The following RNF19B variants were observed in gnomAD, a reference collection of about 807,000 sequenced individuals.
RNF19B encodes the protein ring finger protein 19B.
Under a neutral mutation model 65.5 loss-of-function variants are expected in RNF19B, and 23 were observed. The observed-to-expected ratio is 0.35, with a 90% CI of 0.25 to 0.50. RNF19B has a LOEUF of 0.50. Among genes scored for constraint, RNF19B ranks in the 20% least tolerant of loss-of-function variants. RNF19B has a pLI of 0.98. For synonymous variants in RNF19B, 372 were observed against 379.6 expected (o/e 0.98, Z 0.23); for missense variants, 794 against 980.0 (o/e 0.81, Z 2.53).
chr1:32,943,957 T>G (rs1557569191), intron 6 of RNF19B, 62 bp downstream of exon 6: 1 of 1,527,734 alleles, frequency 6.5e-7, no homozygotes, highest in Non-Finnish European at 8.9e-7. Context: ...ATGCGCTGAA[T>G]TTTACTGATT....
At chr1:32,951,478 A>G (rs1642497874) in intron 1 of RNF19B, among the ~76,000 whole-genome samples, 1 of 152,092 alleles carries the variant, frequency 6.6e-6, no homozygotes, top group Admixed American at 6.5e-5. Context: ...GTTGGGGTCC[A>G]TTTCGAGCAA....
chr1:32,933,810 C>T (rs1557560028), downstream of RNF19B, among the ~76,000 whole-genome samples: 1 of 152,114 alleles, frequency 6.6e-6, no homozygotes, highest in Non-Finnish European at 1.5e-5. Context: ...GTCTTCACAA[C>T]CCCTTAACTA....
intron 6 of RNF19B, among the ~76,000 whole-genome samples, chr1:32,943,005 G>T (rs903636913): frequency 1.2e-4 from 19 of 152,024 alleles, no homozygotes; most frequent in Non-Finnish European, 2.8e-4. Flanking sequence ...GCCGGGCGTG[G>T]TGGCGGGTGC....
chr1:32,937,418 A>T, intron 8 of RNF19B, 159 bp from the exon 9 acceptor site: 1 of 1,149,462 alleles, frequency 8.7e-7, no homozygotes, highest in Non-Finnish European at 1.3e-6. Flanking sequence ...TCTAACACTC[A>T]AATGAGATGG....
chr1:32,942,568 AGGTACT>A, intron 6 of RNF19B, 109 bp from the exon 7 acceptor site: 1 of 856,954 alleles, frequency 1.2e-6, no homozygotes, highest in South Asian at 1.7e-5. Flanking sequence ...CTTAATGAAC[AGGTACT>A]GTGTGCAGTC....
chr1:32,945,718 A>C, intron 4 of RNF19B, 90 bp from the exon 5 acceptor site: 1 of 706,248 alleles, frequency 1.4e-6, no homozygotes, highest in Non-Finnish European at 2.5e-6. Context: ...TTCACTTGTA[A>C]GTTATCTATA....
At position 32,944,159 on chromosome 1, in the gene RNF19B, C is replaced by G; in HGVS notation, c.1262G>C (p.Gly421Ala). 1 of 1,609,372 alleles carries G rather than the reference C, an allele frequency of 6.2e-7. No individual in the cohort carries two copies. The highest frequency in any genetic ancestry group is 1.1e-5 in the South Asian group (1 of 90,306). Residue 421 changes from glycine to alanine, a missense_variant and splice_region_variant, in exon 6 of 9, where the codon GGT (glycine) becomes GCT (alanine). Transcript: ENST00000235150. ...ASPVIAAVSV[G>A]IGVPIMLAYV... ...TGCCAGCATAATGGGGACACCAATA[C>G]CTGGGGGAAGAGAAGGAAACATGTC...
intron 6 of RNF19B, among the ~76,000 whole-genome samples, chr1:32,943,570 C>T (rs973543890): frequency 2.0e-5 from 3 of 151,552 alleles, no homozygotes; most frequent in Middle Eastern, 6.8e-3. Context: ...GAACCGAGAT[C>T]GCGACATCGT....
intron 4 of RNF19B, 91 bp from the exon 5 acceptor site, chr1:32,945,719 G>T: frequency 1.4e-6 from 1 of 705,852 alleles, no homozygotes; most frequent in Non-Finnish European, 2.5e-6. Flanking sequence ...TCACTTGTAA[G>T]TTATCTATAT....
Position 32,936,920 on chromosome 1 carries a change from G to A in RNF19B, c.2082C>T (p.Cys694=). 1 of 1,614,092 alleles carries A rather than the reference G, an allele frequency of 6.2e-7. No homozygotes were observed. Among genetic ancestry groups the A allele is most frequent in the Non-Finnish European group, 8.5e-7 (1 of 1,180,008 alleles). ...CACCTTGGGCTCTGGGGGTCGAGGG[G>A]CAGGCTGCAGTATGGGAGCGGGGGG... ...CGSPRSHTAA[C]PSTPRAQGAP... Residue 694 remains cysteine, a synonymous_variant, in exon 9 of 9, where the codon TGC becomes TGT. Transcript: ENST00000235150.
rs1211140790 is a variant in RNF19B at position 32,936,864 on chromosome 1, G to C, written c.2138C>G (p.Ser713Cys). ...APSPSAHMNL[S>C]ALAEGQTVLK... ...GACAGTTTGTCCCTCGGCTAGGGCA[G>C]AGAGGTTCATATGGGCACTTGGGCT... Residue 713 changes from serine (S) to cysteine (C), a missense_variant, in exon 9 of 9, where the codon TCT (serine) becomes TGT (cysteine). By Grantham distance (112) the Ser-to-Cys change is moderately radical (BLOSUM62 -1). Around this residue, in one of 3 missense-constraint regions of RNF19B, gnomAD observed 368 missense variants for 447.3 expected, o/e 0.82. Coordinates refer to ENST00000235150, the MANE Select transcript of RNF19B (RefSeq NM_001300826.2). 6.2e-7 allele frequency: 1 copy of C among 1,610,434 alleles called. No individual in the cohort carries two copies. The highest frequency in any genetic ancestry group is 8.5e-7 in the Non-Finnish European group (1 of 1,177,516).
In RNF19B at chr1:32,936,676, G is replaced by A; in HGVS notation, c.*130C>T. Reference sequence around the variant, plus strand: ...TGTGAATTTCTCAGAATTTCCCTGGGCAAAAACCTGTGACCAGAGAATCTG... The same window carrying A: ...TGTGAATTTCTCAGAATTTCCCTGGACAAAAACCTGTGACCAGAGAATCTG... On this transcript the variant is annotated 3_prime_UTR_variant, in exon 9 of 9. Transcript: ENST00000235150. 1.1e-6 allele frequency: 1 copy of A among 943,142 alleles called. No homozygotes were observed. Among genetic ancestry groups the A allele is most frequent in the Non-Finnish European group, 1.5e-6 (1 of 687,734 alleles). The allele number at this position is 943,142 out of a possible 1,614,324, so 58.4% of individuals were successfully genotyped here.
Position 32,945,636 on chromosome 1 carries a change from T to C in RNF19B, c.1147-8A>G. 2 of 1,563,174 alleles carry C rather than the reference T, an allele frequency of 1.3e-6. No homozygotes were observed. The highest frequency in any genetic ancestry group is 1.4e-5 in the African/African-American group (1 of 73,896). ...CTCATACCTGCTGTGAATCTAAGAA[T>C]AAAAAAAGAAAATCCAGGTCAGCAG... On this transcript the variant is annotated splice_region_variant and splice_polypyrimidine_tract_variant and intron_variant, in intron 4 of 8. Transcript: ENST00000235150.
At chr1:32,961,519 A>T (rs1642768388) in intron 1 of RNF19B, among the ~76,000 whole-genome samples, 1 of 151,958 alleles carries the variant, frequency 6.6e-6, no homozygotes, top group Non-Finnish European at 1.5e-5. Flanking sequence ...TCAAACCTAA[A>T]CCTATCTCAC....
chr1:32,949,808 G>A (rs200848879), intron 1 of RNF19B, 34 bp from the exon 2 acceptor site: 555 of 1,537,958 alleles, frequency 3.6e-4, no homozygotes, highest in Non-Finnish European at 4.8e-4. Flanking sequence ...TACCAGTAAG[G>A]TAAGAATGAT....
chr1:32,954,662 T>C (rs1642592000), intron 1 of RNF19B, among the ~76,000 whole-genome samples: 1 of 147,954 alleles, frequency 6.8e-6, no homozygotes, highest in Non-Finnish European at 1.5e-5. Flanking sequence ...TGCTTGAAAC[T>C]GGGAGGCGGA....
chr1:32,939,730 G>C (rs1642187173), intron 7 of RNF19B, among the ~76,000 whole-genome samples: 1 of 152,168 alleles, frequency 6.6e-6, no homozygotes, highest in African/African-American at 2.4e-5. Flanking sequence ...TCACTTTGTT[G>C]CACAGTTAAG....
chr1:32,949,076 C>T (rs1642429997), intron 2 of RNF19B, among the ~76,000 whole-genome samples: 1 of 152,216 alleles, frequency 6.6e-6, no homozygotes, highest in Admixed American at 6.5e-5. Context: ...TTTCCTCTGA[C>T]TCGCCAAGGT....
In RNF19B at chr1:32,964,728, C is replaced by G. The variant is rs1642868054; in HGVS notation, c.-43G>C. On this transcript the variant is annotated 5_prime_UTR_variant, in exon 1 of 9. Coordinates refer to ENST00000235150, the MANE Select transcript of RNF19B (RefSeq NM_001300826.2). The surrounding 1 kb of genome is among the most constrained non-coding windows in gnomAD (Gnocchi z 6.5). Reference sequence around the variant, plus strand: ...GAGCCAGGGGCGCCCAGCGCCGCCACAGCTCCCGCCTCAGCGCCCCTCAGC... The same window carrying G: ...GAGCCAGGGGCGCCCAGCGCCGCCAGAGCTCCCGCCTCAGCGCCCCTCAGC... 3 of 1,358,348 alleles carry G rather than the reference C, an allele frequency of 2.2e-6. No homozygotes were observed. The highest frequency in any genetic ancestry group is 3.2e-5 in the South Asian group (2 of 62,056). The allele number at this position is 1,358,348 out of a possible 1,614,324, so 84.1% of individuals were successfully genotyped here. A position where few individuals can be genotyped will look rare whatever the true frequency, so the allele number is the denominator to read the frequency against.
Sources: gnomAD v4.1 joint callset for allele counts (sites outside exome capture counted in the v4.1 genomes callset) on GRCh38, gnomAD v4.1.1 for gene constraint, gnomAD v4.1.1 regional missense constraint, Gnocchi (gnomAD v3.1) non-coding constraint, MANE v1.5 for transcripts, NCBI Gene and HGNC (gene_info 2026-07-23, HGNC 2026-07-21) for gene names.